Variants in SLC43A1 observed in about 807,000 individuals in gnomAD.
SLC43A1 encodes the protein large neutral amino acids transporter small subunit 3.
Under a neutral mutation model 59.5 loss-of-function variants are expected in SLC43A1, and 31 were observed. The ratio of observed to expected loss-of-function variants is 0.52; its 90% CI spans 0.39 to 0.70. The LOEUF (loss-of-function observed/expected upper bound fraction) is 0.70, where lower values mean the gene tolerates loss of function less well. Among genes scored for constraint, SLC43A1 ranks in the 30% least tolerant of loss-of-function variants. The pLI, the probability that SLC43A1 is intolerant of heterozygous loss-of-function variation, is 0.00. For missense variants in SLC43A1, 598 were observed against 717.8 expected, an observed-to-expected ratio of 0.83 and a Z score of 1.91; for synonymous variants, 259 against 290.9, an observed-to-expected ratio of 0.89 and a Z score of 1.12.
chr11:57,503,912 G>A (rs895992808), intron 2 of SLC43A1, among the ~76,000 whole-genome samples: 2 of 152,078 alleles, frequency 1.3e-5, no homozygotes, highest in Non-Finnish European at 2.9e-5. Flanking sequence ...TTAGAAGATC[G>A]GCCAGGTGCG....
intron 2 of SLC43A1, among the ~76,000 whole-genome samples, chr11:57,510,899 T>C (rs1314214025): frequency 6.6e-6 from 1 of 151,984 alleles, no homozygotes; most frequent in Non-Finnish European, 1.5e-5. Context: ...GGAGAATCGC[T>C]TGAACCCAGG....
chr11:57,507,297 G>A (rs1392526222), intron 2 of SLC43A1, among the ~76,000 whole-genome samples: 6 of 152,106 alleles, frequency 3.9e-5, no homozygotes, highest in African/African-American at 9.7e-5. Context: ...GTGAAACCCC[G>A]TCTTTACCAA....
intron 14 of SLC43A1, among the ~76,000 whole-genome samples, chr11:57,486,733 C>T (rs1047232811): frequency 2.6e-5 from 4 of 151,580 alleles, no homozygotes; most frequent in Admixed American, 6.6e-5. Context: ...GGCATGAACC[C>T]GGGAGGCGGA....
intron 13 of SLC43A1, among the ~76,000 whole-genome samples, chr11:57,488,076 G>T (rs1012646863): frequency 2.0e-5 from 3 of 152,206 alleles, no homozygotes; most frequent in African/African-American, 7.2e-5. Context: ...ACAGAGTGAT[G>T]TGAAGAGACT....
In SLC43A1 at chr11:57,496,096, G is replaced by T. The variant is rs765160321; in HGVS notation, c.627C>A (p.Ile209=). 32 of 1,614,048 alleles carry T rather than the reference G, an allele frequency of 2.0e-5. No individual in the cohort carries two copies. Among genetic ancestry groups the T allele is most frequent in the Non-Finnish European group, 2.7e-5 (32 of 1,180,034 alleles). Residue 209 remains isoleucine, a synonymous_variant, in exon 7 of 15, where the codon ATC becomes ATA. Coordinates refer to ENST00000278426, the MANE Select transcript of SLC43A1 (RefSeq NM_003627.6). ...MFTWSGLACL[I]FLNCTLNWPI... is the part of the protein sequence containing the mutation. The stretch of plus-strand genomic sequence containing the variant: ...GCCAGTTGAGGGTGCAGTTCAGAAA[G>T]ATAAGGCAGGCCAGGCCAGACCAGG...
At chr11:57,503,921 C>T (rs1196837252) in intron 2 of SLC43A1, among the ~76,000 whole-genome samples, 6 of 152,166 alleles carry the variant, frequency 3.9e-5, no homozygotes, top group Non-Finnish European at 8.8e-5. Flanking sequence ...CGGCCAGGTG[C>T]GGTGGCTCAA....
At chr11:57,509,672 A>AGGAG (rs1364942376) in intron 2 of SLC43A1, among the ~76,000 whole-genome samples, 6 of 87,148 alleles carry the variant, frequency 6.9e-5, no homozygotes, top group African/African-American at 9.2e-5. Context: ...GAGGAAGGGA[A>AGGAG]GGAGGGAGGG....
At chr11:57,502,873 C>CAAAA (rs35873904) in intron 2 of SLC43A1, among the ~76,000 whole-genome samples, 1 of 62,894 alleles carries the variant, frequency 1.6e-5, no homozygotes, top group East Asian at 4.1e-4. Flanking sequence ...GGCCCTGTCT[C>CAAAA]AAAAAAAAAA....
At position 57,485,190 on chromosome 11, in the gene SLC43A1, T is replaced by C. The variant is rs1396526415; in HGVS notation, c.1586A>G (p.Tyr529Cys). ...GAGCCGGGCACGGTAATAGAAGAGG[T>C]AGGAAGGCAACAGGAATCCCAGGAG... ...FSLLGFLLPS[Y>C]LFYYRARLQQ... The change falls in exon 15 of 15, where the codon TAC (tyrosine) becomes TGC (cysteine). Residue 529 changes from tyrosine (Y) to cysteine (C), a missense_variant. By Grantham distance (194) the Tyr-to-Cys change is radical. Coordinates refer to ENST00000278426, the MANE Select transcript of SLC43A1 (RefSeq NM_003627.6). 3 of 1,613,334 alleles carry C rather than the reference T, an allele frequency of 1.9e-6. No individual in the cohort carries two copies. Among genetic ancestry groups the C allele is most frequent in the Non-Finnish European group, 2.5e-6 (3 of 1,179,852 alleles).
intron 7 of SLC43A1, 85 bp downstream of exon 7, chr11:57,495,945 CT>C: frequency 6.7e-7 from 1 of 1,489,820 alleles, no homozygotes; most frequent in Admixed American, 2.0e-5. Context: ...GCCGAGGTCT[CT>C]CTGAATCCAA....
intron 6 of SLC43A1, among the ~76,000 whole-genome samples, chr11:57,496,656 C>G (rs1473462388): frequency 6.6e-6 from 1 of 152,200 alleles, no homozygotes; most frequent in Non-Finnish European, 1.5e-5. Flanking sequence ...TCTCACCTTT[C>G]CCAGGTCCTC....
At chr11:57,510,457 CAAAAA>C (rs61412196) in intron 2 of SLC43A1, among the ~76,000 whole-genome samples, 7 of 25,760 alleles carry the variant, frequency 2.7e-4, no homozygotes, top group Non-Finnish European at 4.7e-4. Context: ...GACTCCATCT[CAAAAA>C]AAAAAAAAAA....
chr11:57,491,675 G>T lies in SLC43A1; in HGVS notation c.1018+41C>A, dbSNP rs375084625. Reference sequence around the variant, plus strand: ...GAGGGGAGCTCAGCCAGGGTGACCCGCCTGTGCCCCCAACCCCCAGGGGCC... The same window carrying T: ...GAGGGGAGCTCAGCCAGGGTGACCCTCCTGTGCCCCCAACCCCCAGGGGCC... On this transcript the variant is annotated intron_variant, in intron 9 of 14. Coordinates refer to ENST00000278426, the MANE Select transcript of SLC43A1 (RefSeq NM_003627.6). 1.6e-5 allele frequency: 26 copies of T among 1,614,152 alleles called. 1 individual carries two copies. The East Asian group carries it at 2.7e-4, about 17-fold the overall frequency.
In SLC43A1 at chr11:57,488,970, T is replaced by G; in HGVS notation, c.1355A>C (p.His452Pro). ...LHLQFVTFVL[H>P]TIVRGFFHSA... is the part of the protein sequence containing the mutation. ...GTGGAAGAAACCTCGAACAATGGTG[T>G]GCAGGACAAAGGTCACAAACTAAAA... Residue 452 changes from histidine to proline, a missense_variant, in exon 13 of 15, where the codon CAC becomes CCC. Transcript: ENST00000278426. The G allele has an allele frequency of 6.2e-7, 1 of 1,614,144 alleles. No individual in the cohort carries two copies. Among genetic ancestry groups the G allele is most frequent in the East Asian group, 2.2e-5 (1 of 44,878 alleles).
In SLC43A1 at chr11:57,485,159, C is replaced by T. The variant is rs576195604; in HGVS notation, c.1617G>A (p.Gln539=). The change falls in exon 15 of 15, where the codon CAG becomes CAA. Residue 539 remains glutamine, a synonymous_variant. Coordinates refer to ENST00000278426, the MANE Select transcript of SLC43A1 (RefSeq NM_003627.6). ...YLFYYRARLQ[Q]EYAANGMGPL... Reference sequence around the variant, plus strand: ...GGCCCATCCCATTGGCGGCGTACTCCTGCTGGAGCCGGGCACGGTAATAGA... The same window carrying T: ...GGCCCATCCCATTGGCGGCGTACTCTTGCTGGAGCCGGGCACGGTAATAGA... 1 of 1,614,132 alleles carries T rather than the reference C, an allele frequency of 6.2e-7. No individual in the cohort carries two copies. Among genetic ancestry groups the T allele is most frequent in the South Asian group, 1.1e-5 (1 of 91,078 alleles).
In SLC43A1 at chr11:57,491,810, G is replaced by A. The variant is rs370449939; in HGVS notation, c.924C>T (p.Leu308=). 5.0e-6 allele frequency: 8 copies of A among 1,614,116 alleles called. No homozygotes were observed. The highest frequency in any genetic ancestry group is 6.8e-6 in the Non-Finnish European group (8 of 1,180,032). Residue 308 remains leucine (L), a synonymous_variant, in exon 9 of 15, where the codon CTC becomes CTT. Transcript: ENST00000278426. ...GCAGCTGGGTCATGCCCATGGTGAG[G>A]AGGCTCCACAGGAAAGTGGGGGAGC... ...SLCSPTFLWS[L]LTMGMTQLRI...
Position 57,494,019 on chromosome 11 carries a change from C to A in SLC43A1, c.845G>T (p.Arg282Leu), listed in dbSNP as rs146161771. ...SDAFMSPQDV[R>L]GTSENLPERS... ...CTCAGGAAGGTTTTCTGAGGTGCCC[C>A]GAACATCCTGGGGTGACATGAAGGC... The change falls in exon 8 of 15, where the codon CGG (arginine) becomes CTG (leucine). Residue 282 changes from arginine (R) to leucine (L), a missense_variant. Coordinates refer to ENST00000278426, the MANE Select transcript of SLC43A1 (RefSeq NM_003627.6). 1.4e-5 allele frequency: 22 copies of A among 1,600,938 alleles called. No homozygotes were observed. In the African/African-American group the frequency reaches 3.0e-4, roughly 22 times the overall value.
intron 2 of SLC43A1, among the ~76,000 whole-genome samples, chr11:57,510,572 G>A (rs766921427): frequency 2.0e-5 from 3 of 151,538 alleles, no homozygotes; most frequent in Non-Finnish European, 4.4e-5. Flanking sequence ...TGGTCCCAGT[G>A]CAGTGGTGTT....
At chr11:57,494,243 C>A in intron 7 of SLC43A1, 72 bp from the exon 8 acceptor site, 1 of 1,464,070 alleles carries the variant, frequency 6.8e-7, no homozygotes. Flanking sequence ...TAGTGCTCGG[C>A]GGCCATCCCA....
Sources: allele counts gnomAD v4.1 joint callset (sites outside exome capture counted in the v4.1 genomes callset), GRCh38; gene constraint gnomAD v4.1.1; transcripts MANE v1.5; gene names NCBI Gene and HGNC (gene_info 2026-07-23, HGNC 2026-07-21).